The following SEMA5A variants were observed in gnomAD, a reference collection of about 807,000 sequenced individuals.
SEMA5A encodes the protein semaphorin 5A.
A neutral mutation model predicts 135.5 loss-of-function variants in SEMA5A; 55 were observed. The observed-to-expected ratio is 0.41, with a 90% CI of 0.33 to 0.51. The LOEUF (loss-of-function observed/expected upper bound fraction) is 0.51, where lower values mean the gene tolerates loss of function less well. Among genes scored for constraint, SEMA5A ranks in the 20% least tolerant of loss-of-function variants. The pLI is 0.37. For missense variants in SEMA5A, 1,290 were observed against 1,419.9 expected (o/e 0.91, Z 1.47); for synonymous variants, 580 against 546.5 (o/e 1.06, Z -0.85).
At chr5:9,470,101 G>T (rs556457872) in intron 1 of SEMA5A, among the ~76,000 whole-genome samples, 20 of 152,176 alleles carry the variant, frequency 1.3e-4, no homozygotes, top group Admixed American at 1.2e-3. Flanking sequence ...TGTTAGGGGG[G>T]GTTCCACTAT....
In SEMA5A at chr5:9,540,171, A is replaced by T. The variant is rs546100710; in HGVS notation, c.-175+5413T>A. On this transcript the variant is annotated intron_variant, in intron 1 of 22. Coordinates refer to ENST00000382496, the MANE Select transcript of SEMA5A (RefSeq NM_003966.3). ...CCCGAGAGCCTCCTGCGTGCCAGGC[A>T]CTGTTCTAGGCAGCGTGGGCAACAC... 8.5e-5 allele frequency among the ~76,000 whole-genome samples: 13 copies of T among 152,306 alleles called. No homozygotes were observed. The South Asian group carries it at 1.4e-3, about 17-fold the overall frequency.
intron 11 of SEMA5A, among the ~76,000 whole-genome samples, chr5:9,169,529 C>T (rs895656971): frequency 4.6e-5 from 7 of 152,194 alleles, no homozygotes; most frequent in Non-Finnish European, 7.3e-5. Context: ...AGGAGCAGAA[C>T]TGTGTAATGT....
At chr5:9,090,973 T>C (rs570150489) in intron 16 of SEMA5A, among the ~76,000 whole-genome samples, 5 of 152,312 alleles carry the variant, frequency 3.3e-5, no homozygotes, top group Non-Finnish European at 5.9e-5. Context: ...CCTCCTTTGG[T>C]AATAGGAGGC....
chr5:9,458,098 G>A (rs1032910261), intron 1 of SEMA5A, among the ~76,000 whole-genome samples: 6 of 151,886 alleles, frequency 4.0e-5, no homozygotes, highest in Non-Finnish European at 5.9e-5. Flanking sequence ...TAGTAGAGAC[G>A]GGATCTCACC....
rs36019740 is a variant in SEMA5A, at chr5:9,537,353, A to G, written c.-175+8231T>C. ...AGCCAGTCTGTTTAACTGAATGGCT[A>G]ATTAGTTATCCTTGAAATCTAGAGA... On this transcript the variant is annotated intron_variant, in intron 1 of 22. Coordinates refer to ENST00000382496, the MANE Select transcript of SEMA5A (RefSeq NM_003966.3). Among the ~76,000 whole-genome samples the G allele has an allele frequency of 3.5e-3, 528 of 152,358 alleles. 1 individual carries two copies. The highest frequency in any genetic ancestry group is 6.1e-3 in the Non-Finnish European group (418 of 68,022).
chr5:9,374,622 CGTGTGTGTGT>C (rs3086524), intron 3 of SEMA5A, among the ~76,000 whole-genome samples: 6,334 of 147,230 alleles, frequency 0.043, 177 homozygotes, highest in Middle Eastern at 0.075. Flanking sequence ...CACAAGACAT[CGTGTGTGTGT>C]GTGTGTGTGT....
chr5:9,188,420 A>C (rs941685068), intron 11 of SEMA5A, among the ~76,000 whole-genome samples: 2 of 152,210 alleles, frequency 1.3e-5, no homozygotes, highest in African/African-American at 4.8e-5. Context: ...ACTACAGTTC[A>C]TTATAAACAC....
At chr5:9,054,282 C>G in intron 18 of SEMA5A, 25 bp from the exon 19 acceptor site, 2 of 1,604,230 alleles carry the variant, frequency 1.2e-6, no homozygotes, top group South Asian at 2.2e-5. Context: ...AATGTCACAG[C>G]TCTTCTATAA....
At chr5:9,109,383 AG>A (rs1339332389) in intron 15 of SEMA5A, among the ~76,000 whole-genome samples, 1 of 152,190 alleles carries the variant, frequency 6.6e-6, no homozygotes, top group Non-Finnish European at 1.5e-5. Context: ...AAGTGAAGTG[AG>A]GAAAGTAAAC....
At chr5:9,393,907 A>T (rs268492) in intron 2 of SEMA5A, among the ~76,000 whole-genome samples, 68,861 of 151,924 alleles carry the variant, frequency 0.45, 16,179 homozygotes, top group African/African-American at 0.56. Flanking sequence ...GAATGCAAAT[A>T]TTCATGGTCT....
At chr5:9,307,577 T>C (rs1032355806) in intron 5 of SEMA5A, among the ~76,000 whole-genome samples, 1 of 152,100 alleles carries the variant, frequency 6.6e-6, no homozygotes, top group African/African-American at 2.4e-5. Context: ...ACACATTATC[T>C]CTTACTCAAA....
chr5:9,385,959 A>T (rs1286028560), intron 2 of SEMA5A, among the ~76,000 whole-genome samples: 1 of 151,230 alleles, frequency 6.6e-6, no homozygotes, highest in Non-Finnish European at 1.5e-5. Context: ...ACACCACCAC[A>T]CCTGGCTAAT....
chr5:9,275,475 C>T (rs1750209869), intron 5 of SEMA5A, among the ~76,000 whole-genome samples: 1 of 152,164 alleles, frequency 6.6e-6, no homozygotes, highest in Non-Finnish European at 1.5e-5. Context: ...CTCCCTAACT[C>T]ATTTCATGAG....
intron 17 of SEMA5A, among the ~76,000 whole-genome samples, chr5:9,064,443 C>A (rs79159517): frequency 6.6e-6 from 1 of 152,142 alleles, no homozygotes; most frequent in Non-Finnish European, 1.5e-5. Context: ...CACATATACA[C>A]CATGGAATAC....
At chr5:9,155,989 C>T (rs886508) in intron 11 of SEMA5A, among the ~76,000 whole-genome samples, 23,572 of 152,120 alleles carry the variant, frequency 0.15, 1,860 homozygotes, top group South Asian at 0.29. Context: ...GTTAAATATG[C>T]TACTTTTTAA....
chr5:9,477,761 G>A (rs547756335), intron 1 of SEMA5A, among the ~76,000 whole-genome samples: 135 of 152,258 alleles, frequency 8.9e-4, no homozygotes, highest in Non-Finnish European at 1.5e-3. Flanking sequence ...TCTAAAATTG[G>A]AACTTATATT....
At chr5:9,393,883 G>A in intron 2 of SEMA5A, among the ~76,000 whole-genome samples, 1 of 152,006 alleles carries the variant, frequency 6.6e-6, no homozygotes, top group Middle Eastern at 3.2e-3. Flanking sequence ...AAATAATACA[G>A]GTGTCCATTG....
Position 9,483,639 on chromosome 5 carries a change from G to A in SEMA5A, c.-174-45787C>T, listed in dbSNP as rs576687068. Among the ~76,000 whole-genome samples the A allele has an allele frequency of 1.1e-4, 17 of 152,184 alleles. No individual in the cohort carries two copies. In the East Asian group the frequency reaches 1.5e-3, roughly 14 times the overall value. On this transcript the variant is annotated intron_variant, in intron 1 of 22. Coordinates refer to ENST00000382496, the MANE Select transcript of SEMA5A (RefSeq NM_003966.3). ...AAGCTGGCTGAAAATCCCACAATAC[G>A]GATCCTGAGTTTTACTTCCCTTTTC...
intron 5 of SEMA5A, among the ~76,000 whole-genome samples, chr5:9,315,414 A>G (rs979957637): frequency 6.6e-6 from 1 of 152,186 alleles, no homozygotes; most frequent in African/African-American, 2.4e-5. Flanking sequence ...ATATTAATAC[A>G]TTTCTACTAT....
Sources: allele counts gnomAD v4.1 joint callset (sites outside exome capture counted in the v4.1 genomes callset), GRCh38; gene constraint gnomAD v4.1.1; transcripts MANE v1.5; gene names NCBI Gene and HGNC (gene_info 2026-07-23, HGNC 2026-07-21).